Variants in BCHE observed in about 807,000 individuals in gnomAD.
The protein encoded by BCHE is cholinesterase.
In BCHE, 48 loss-of-function variants were observed where a neutral mutation model predicts 51.3. That is an observed-to-expected ratio of 0.94 (90% confidence interval 0.74 to 1.19). The LOEUF (loss-of-function observed/expected upper bound fraction) is 1.19. BCHE is among the 50% of genes most tolerant of loss of function. BCHE has a pLI of 0.00. For synonymous variants in BCHE, 251 were observed against 238.0 expected, an observed-to-expected ratio of 1.05 and a Z score of -0.50; for missense variants, 847 against 708.2, an observed-to-expected ratio of 1.20 and a Z score of -2.23.
chr3:165,802,804 C>T (rs140006427), intron 2 of BCHE, among the ~76,000 whole-genome samples: 165 of 152,104 alleles, frequency 1.1e-3, no homozygotes, highest in African/African-American at 3.8e-3. Context: ...TACCGTGGCG[C>T]GATCTCGGCT....
intron 2 of BCHE, among the ~76,000 whole-genome samples, chr3:165,821,914 A>C (rs1239514746): frequency 1.4e-5 from 2 of 140,834 alleles, no homozygotes; most frequent in Admixed American, 7.0e-5. Context: ...AGTTAACTTC[A>C]GTGGTGAAAA....
At chr3:165,797,834 C>G (rs776242777) in intron 2 of BCHE, among the ~76,000 whole-genome samples, 1 of 152,094 alleles carries the variant, frequency 6.6e-6, no homozygotes, top group African/African-American at 2.4e-5. Flanking sequence ...GTAGCATATA[C>G]AAATCTTAAA....
intron 2 of BCHE, among the ~76,000 whole-genome samples, chr3:165,827,397 A>C (rs7641742): frequency 0.025 from 3,770 of 151,572 alleles, 157 homozygotes; most frequent in African/African-American, 0.086. Flanking sequence ...GTCAATTTTT[A>C]TTTATTTCCC....
At position 165,829,102 on chromosome 3, in the gene BCHE, A is replaced by C. The variant is rs568021935; in HGVS notation, c.1517+415T>G. Among the ~76,000 whole-genome samples the C allele has an allele frequency of 7.9e-5, 12 of 152,266 alleles. No individual in the cohort carries two copies. In the South Asian group the frequency reaches 2.1e-3, roughly 26 times the overall value. ...GCAGAGATACATTACTTCATGTATC[A>C]GGTATCATGGTACCAAGCTGAAGAG... On this transcript the variant is annotated intron_variant, in intron 2 of 3. Coordinates refer to ENST00000264381, the MANE Select transcript of BCHE (RefSeq NM_000055.4).
At chr3:165,806,542 G>A (rs1713873123) in intron 2 of BCHE, among the ~76,000 whole-genome samples, 1 of 152,104 alleles carries the variant, frequency 6.6e-6, no homozygotes, top group Admixed American at 6.6e-5. Context: ...ATAGCACCTA[G>A]CCCAGTGCCT....
intron 2 of BCHE, among the ~76,000 whole-genome samples, chr3:165,810,418 T>C (rs1192281025): frequency 2.6e-5 from 4 of 152,178 alleles, no homozygotes; most frequent in African/African-American, 9.7e-5. Context: ...ATTTCCTTCC[T>C]GTGTGTGCAG....
intron 1 of BCHE, among the ~76,000 whole-genome samples, chr3:165,835,023 C>T (rs1576674094): frequency 1.3e-5 from 2 of 151,826 alleles, no homozygotes; most frequent in East Asian, 3.9e-4. Flanking sequence ...GAAATAAAGA[C>T]AGGAGTTTTT....
At chr3:165,802,630 T>TG (rs1050630195) in intron 2 of BCHE, among the ~76,000 whole-genome samples, 1 of 145,746 alleles carries the variant, frequency 6.9e-6, no homozygotes, top group Non-Finnish European at 1.5e-5. Context: ...GAAAATTTGT[T>TG]TTTTTTTTTT....
At chr3:165,810,071 GTGAC>G (rs1322707808) in intron 2 of BCHE, among the ~76,000 whole-genome samples, 1 of 152,042 alleles carries the variant, frequency 6.6e-6, no homozygotes, top group African/African-American at 2.4e-5. Context: ...TGCTTACTAA[GTGAC>G]AGACAGATTG....
At chr3:165,794,572 G>A (rs1226414857) in intron 2 of BCHE, among the ~76,000 whole-genome samples, 1 of 152,144 alleles carries the variant, frequency 6.6e-6, no homozygotes, top group African/African-American at 2.4e-5. Flanking sequence ...GGAGAAGGGA[G>A]CTATTTGAGG....
intron 2 of BCHE, among the ~76,000 whole-genome samples, chr3:165,818,497 G>A (rs1714388968): frequency 1.3e-5 from 2 of 152,020 alleles, no homozygotes; most frequent in African/African-American, 2.4e-5. Flanking sequence ...AAAAATTAAA[G>A]ACAAATGTTA....
chr3:165,837,113 G>A (rs1715216544), intron 1 of BCHE, among the ~76,000 whole-genome samples: 1 of 152,122 alleles, frequency 6.6e-6, no homozygotes, highest in African/African-American at 2.4e-5. Flanking sequence ...AACAAAGTCT[G>A]CGTTCCCTGA....
At chr3:165,819,085 T>TC (rs1302513418) in intron 2 of BCHE, among the ~76,000 whole-genome samples, 1 of 150,956 alleles carries the variant, frequency 6.6e-6, no homozygotes, top group Admixed American at 6.6e-5. Flanking sequence ...TTTTTTTTTT[T>TC]TTTTTCTCCT....
intron 2 of BCHE, among the ~76,000 whole-genome samples, chr3:165,820,001 TA>T (rs57059721): frequency 1.3e-5 from 2 of 152,176 alleles, no homozygotes; most frequent in South Asian, 4.1e-4. Flanking sequence ...TTTTTCCAAC[TA>T]AAAAACATGT....
chr3:165,815,128 T>G (rs559583657), intron 2 of BCHE, among the ~76,000 whole-genome samples: 1 of 151,348 alleles, frequency 6.6e-6, no homozygotes, highest in South Asian at 2.1e-4. Context: ...CTGAATGTCC[T>G]GTATTTTATC....
At chr3:165,807,665 T>C (rs1713918793) in intron 2 of BCHE, among the ~76,000 whole-genome samples, 2 of 151,730 alleles carry the variant, frequency 1.3e-5, no homozygotes, top group African/African-American at 4.8e-5. Flanking sequence ...AGTAATTACC[T>C]TGCCTCAGCC....
chr3:165,781,267 TAAAG>T (rs1450791625), intron 3 of BCHE, among the ~76,000 whole-genome samples: 2 of 151,460 alleles, frequency 1.3e-5, no homozygotes, highest in Non-Finnish European at 2.9e-5. Flanking sequence ...AATAAATAAA[TAAAG>T]CCCATGCACA....
intron 2 of BCHE, among the ~76,000 whole-genome samples, chr3:165,796,040 G>A (rs1369348605): frequency 1.3e-5 from 2 of 151,990 alleles, no homozygotes; most frequent in Non-Finnish European, 2.9e-5. Context: ...ACATTTCAAT[G>A]TGCTAAACTT....
intron 3 of BCHE, among the ~76,000 whole-genome samples, chr3:165,777,087 G>A (rs1199246698): frequency 2.0e-5 from 3 of 151,750 alleles, no homozygotes; most frequent in African/African-American, 7.2e-5. Flanking sequence ...AAAAATAAAT[G>A]AGTAAATAAG....
Sources: gnomAD v4.1 joint callset for allele counts (sites outside exome capture counted in the v4.1 genomes callset) on GRCh38, gnomAD v4.1.1 for gene constraint, MANE v1.5 for transcripts, NCBI Gene and HGNC (gene_info 2026-07-23, HGNC 2026-07-21) for gene names.